Variants in SUSD1 observed in about 807,000 individuals in gnomAD.
SUSD1 encodes sushi domain-containing protein 1.
In SUSD1, 65 loss-of-function variants were observed where a neutral mutation model predicts 86.9. The observed-to-expected ratio is 0.75, with a 90% CI of 0.61 to 0.92. SUSD1 has a LOEUF of 0.92. SUSD1 is among the 40% of genes least tolerant of loss of function. The pLI, the probability that SUSD1 is intolerant of heterozygous loss-of-function variation, is 0.00. For missense variants in SUSD1, 850 were observed against 929.7 expected (o/e 0.91, Z 1.11); for synonymous variants, 346 against 350.0 (o/e 0.99, Z 0.13).
chr9:112,048,818 A>T (rs1298506247), intron 15 of SUSD1, among the ~76,000 whole-genome samples: 1 of 152,242 alleles, frequency 6.6e-6, no homozygotes, highest in Non-Finnish European at 1.5e-5. Flanking sequence ...GTGATCAGGA[A>T]ATCCAGATGG....
intron 7 of SUSD1, 95 bp downstream of exon 7, chr9:112,112,676 G>T: frequency 2.5e-6 from 2 of 789,830 alleles, no homozygotes; most frequent in South Asian, 1.6e-5. Flanking sequence ...ACAGCAATTA[G>T]ATTGAGAAGC....
Position 112,113,913 on chromosome 9 carries a change from C to T in SUSD1, c.887-1045G>A, listed in dbSNP as rs544276338. On this transcript the variant is annotated intron_variant, in intron 6 of 16. Transcript: ENST00000374270. This position sits in a 1 kb window ranked among gnomAD's most constrained non-coding sequence, Gnocchi z 4.1. ...CACCACTGCACTCCAGCCTGGGTGA[C>T]GGAGCAAAACTCCATCTCAAAAGTA... Among the ~76,000 whole-genome samples the T allele has an allele frequency of 5.3e-5, 8 of 152,068 alleles. No individual in the cohort carries two copies. The highest frequency in any genetic ancestry group is 1.9e-4 in the East Asian group (1 of 5,164).
intron 12 of SUSD1, 110 bp downstream of exon 12, chr9:112,078,428 G>T: frequency 9.1e-7 from 1 of 1,098,946 alleles, no homozygotes; most frequent in Non-Finnish European, 1.3e-6. Context: ...TCCTCTCCCT[G>T]TTAAAGTTCA....
intron 2 of SUSD1, among the ~76,000 whole-genome samples, chr9:112,153,119 T>C (rs1490597497): frequency 2.0e-5 from 3 of 151,166 alleles, no homozygotes; most frequent in African/African-American, 4.9e-5. Context: ...TAAACAAAAT[T>C]AGCCTGATGT....
At chr9:112,149,428 G>C in intron 2 of SUSD1, 29 bp from the exon 3 acceptor site, 2 of 1,609,904 alleles carry the variant, frequency 1.2e-6, no homozygotes, top group Non-Finnish European at 1.7e-6. Flanking sequence ...GGCACCGGAA[G>C]AGCTATCAAT....
chr9:112,139,226 A>T (rs549156112), intron 5 of SUSD1, among the ~76,000 whole-genome samples: 12 of 152,276 alleles, frequency 7.9e-5, no homozygotes, highest in South Asian at 2.1e-4. Context: ...TCTTTTTTTT[A>T]AAATTCAGAA....
In SUSD1 at chr9:112,098,505, T is replaced by C; in HGVS notation, c.1439A>G (p.His480Arg). Residue 480 changes from histidine (H) to arginine (R), a missense_variant, in exon 10 of 17, where the codon CAC becomes CGC. Transcript: ENST00000374270. ...NVTLLRSPKRHSVQITIATPP... is the reference protein window; with the variant it reads ...NVTLLRSPKRRSVQITIATPP... ...AGTTGCTATTGTTATTTGCACTGAGTGCCGCTTAGGAGATCTCAGCAGGGT... is the reference window on the plus strand; with the variant it reads ...AGTTGCTATTGTTATTTGCACTGAGCGCCGCTTAGGAGATCTCAGCAGGGT... The C allele has an allele frequency of 6.2e-7, 1 of 1,614,146 alleles. No homozygotes were observed. Among genetic ancestry groups the C allele is most frequent in the Non-Finnish European group, 8.5e-7 (1 of 1,179,994 alleles).
intron 1 of SUSD1, among the ~76,000 whole-genome samples, chr9:112,168,652 T>C (rs1333245528): frequency 6.6e-6 from 1 of 152,140 alleles, no homozygotes; most frequent in Non-Finnish European, 1.5e-5. Context: ...GAGAAGAAGG[T>C]AGTTTAAAAG....
intron 1 of SUSD1, among the ~76,000 whole-genome samples, chr9:112,161,496 T>C (rs146662656): frequency 6.6e-6 from 1 of 152,036 alleles, no homozygotes; most frequent in Admixed American, 6.6e-5. Flanking sequence ...ATGATGAACA[T>C]ATGAACATTC....
At chr9:112,074,707 C>G (rs1829436717) in intron 12 of SUSD1, among the ~76,000 whole-genome samples, 1 of 152,036 alleles carries the variant, frequency 6.6e-6, no homozygotes, top group African/African-American at 2.4e-5. Flanking sequence ...GAAATAAGGC[C>G]ACACACTTCT....
chr9:112,091,351 GT>G (rs1220604522), intron 10 of SUSD1, among the ~76,000 whole-genome samples: 2 of 152,178 alleles, frequency 1.3e-5, no homozygotes, highest in African/African-American at 4.8e-5. Context: ...TATGGGGGAA[GT>G]TTTATAAAGT....
chr9:112,129,610 C>T (rs961766061), intron 5 of SUSD1, among the ~76,000 whole-genome samples: 2 of 152,164 alleles, frequency 1.3e-5, no homozygotes, highest in South Asian at 2.1e-4. Context: ...ATCACTCAGC[C>T]GAGTATTATC....
intron 1 of SUSD1, among the ~76,000 whole-genome samples, chr9:112,159,763 G>A (rs1421829363): frequency 1.3e-5 from 2 of 152,094 alleles, no homozygotes; most frequent in Non-Finnish European, 2.9e-5. Flanking sequence ...TACCTTAAGA[G>A]TATACTTTTA....
intron 9 of SUSD1, among the ~76,000 whole-genome samples, chr9:112,100,797 A>G (rs1830599274): frequency 6.7e-6 from 1 of 149,784 alleles, no homozygotes. Context: ...ATGCCACTGT[A>G]CTCCAGCCTG....
intron 3 of SUSD1, among the ~76,000 whole-genome samples, chr9:112,145,006 T>C (rs1416209875): frequency 2.6e-5 from 4 of 152,166 alleles, no homozygotes; most frequent in African/African-American, 9.7e-5. Context: ...CTCAAGAGGC[T>C]GAGGCAGGAG....
chr9:112,084,632 T>C (rs1472918544), intron 10 of SUSD1, among the ~76,000 whole-genome samples: 3 of 152,158 alleles, frequency 2.0e-5, no homozygotes, highest in Non-Finnish European at 4.4e-5. Flanking sequence ...ACAGGCAGGT[T>C]GAACCCATGA....
Position 112,102,931 on chromosome 9 carries a change from A to G in SUSD1, c.1172-646T>C, listed in dbSNP as rs559342337. 2.0e-5 allele frequency among the ~76,000 whole-genome samples: 3 copies of G among 152,342 alleles called. No homozygotes were observed. The South Asian group carries it at 6.2e-4, about 32-fold the overall frequency. On this transcript the variant is annotated intron_variant, in intron 8 of 16. Transcript: ENST00000374270. ...TTTCATACCTCCTGCAGTCTAATTC[A>G]TTCTTACAATGTTCTATTTTCTTAA...
rs1834215313 is a variant in SUSD1 at position 112,175,060 on chromosome 9, C to A, written c.103+73G>T. On this transcript the variant is annotated intron_variant, in intron 1 of 16. Transcript: ENST00000374270. The surrounding 1 kb of genome is among the most constrained non-coding windows in gnomAD (Gnocchi z 4.7). ...CCCGGCCCAGGGGCGGGGAAGCGTC[C>A]GTGCGCCCAGAGTCCTCGAGGCCCA... is the stretch of plus-strand genomic sequence containing the variant. 8.1e-6 allele frequency: 8 copies of A among 982,420 alleles called. No homozygotes were observed. In the Middle Eastern group the frequency reaches 2.1e-3, roughly 255 times the overall value. 60.9% of individuals were successfully genotyped at this position (982,420 alleles called of 1,614,324 possible).
At chr9:112,150,416 G>A (rs373955339) in intron 2 of SUSD1, among the ~76,000 whole-genome samples, 3 of 152,214 alleles carry the variant, frequency 2.0e-5, no homozygotes, top group African/African-American at 4.8e-5. Context: ...TATTTCACCA[G>A]TGGGCCCCTC....
Sources: allele counts gnomAD v4.1 joint callset (sites outside exome capture counted in the v4.1 genomes callset), GRCh38; gene constraint gnomAD v4.1.1; non-coding constraint Gnocchi (gnomAD v3.1); transcripts MANE v1.5; gene names NCBI Gene and HGNC (gene_info 2026-07-23, HGNC 2026-07-21).